Variants in MTHFD1L observed in about 807,000 individuals in gnomAD.
MTHFD1L encodes the protein monofunctional C1-tetrahydrofolate synthase, mitochondrial.
A neutral mutation model predicts 119.5 loss-of-function variants in MTHFD1L; 81 were observed. That is an observed-to-expected ratio of 0.68 (90% CI 0.57 to 0.82). The LOEUF is 0.82. Among genes scored for constraint, MTHFD1L ranks in the 40% least tolerant of loss-of-function variants. The pLI, the probability that MTHFD1L is intolerant of heterozygous loss-of-function variation, is 0.00. For missense variants in MTHFD1L, 1,125 were observed against 1,253.4 expected (o/e 0.90, Z 1.55); for synonymous variants, 430 against 475.2 (o/e 0.90, Z 1.24).
At chr6:151,003,534 A>AG (rs1780929956) in intron 20 of MTHFD1L, among the ~76,000 whole-genome samples, 1 of 85,150 alleles carries the variant, frequency 1.2e-5, no homozygotes, top group African/African-American at 5.6e-5. Context: ...CTCCATATCC[A>AG]AAAAAAAAGG....
intron 17 of MTHFD1L, 32 bp downstream of exon 17, chr6:150,956,103 T>A: frequency 1.3e-6 from 2 of 1,587,716 alleles, no homozygotes; most frequent in South Asian, 1.1e-5. Context: ...GGTGTGGCTC[T>A]GTTCTTACGT....
Position 150,886,880 on chromosome 6 carries a change from C to T in MTHFD1L, c.644-965C>T, listed in dbSNP as rs112030895. The stretch of plus-strand genomic sequence containing the variant: ...GTGTGGTGACTTGTGCCTGTAGTCC[C>T]GGCTACTTGGGAGGCTGAGGTAGGA... On this transcript the variant is annotated intron_variant, in intron 6 of 27. Coordinates refer to ENST00000367321, the MANE Select transcript of MTHFD1L (RefSeq NM_015440.5). Among the ~76,000 whole-genome samples the T allele has an allele frequency of 4.5e-3, 679 of 151,102 alleles. 2 individuals are homozygous for T. The highest frequency in any genetic ancestry group is 7.9e-3 in the Non-Finnish European group (537 of 67,814).
At chr6:150,987,143 T>C (rs375805614) in intron 20 of MTHFD1L, among the ~76,000 whole-genome samples, 13 of 152,246 alleles carry the variant, frequency 8.5e-5, no homozygotes, top group African/African-American at 3.1e-4. Flanking sequence ...TATAGTATTG[T>C]GTATAGGATC....
intron 26 of MTHFD1L, chr6:151,057,213 A>C: frequency 3.0e-6 from 3 of 985,110 alleles, no homozygotes; most frequent in Non-Finnish European, 3.6e-6. Context: ...ATTTCTGTCA[A>C]TCTAATTTTT....
chr6:151,049,871 G>A (rs1241055331), intron 26 of MTHFD1L, among the ~76,000 whole-genome samples: 6 of 152,110 alleles, frequency 3.9e-5, no homozygotes, highest in Non-Finnish European at 1.5e-5. Flanking sequence ...TCAGGGGCAG[G>A]CCTCTGACCT....
In MTHFD1L at chr6:151,101,232, A is replaced by G. The variant is rs190419197; in HGVS notation, c.*32-294A>G. Among the ~76,000 whole-genome samples the G allele has an allele frequency of 2.7e-3, 411 of 152,278 alleles. 1 individual carries two copies. The highest frequency in any genetic ancestry group is 3.0e-3 in the Non-Finnish European group (205 of 68,018). ...AGGATCCTGCAAACTGTAGATCCCAAACTTGGAAGTTCTGGGAATTCTGCC... is the reference window on the plus strand; with the variant it reads ...AGGATCCTGCAAACTGTAGATCCCAGACTTGGAAGTTCTGGGAATTCTGCC... On this transcript the variant is annotated intron_variant, in intron 27 of 27. Transcript: ENST00000367321.
intron 7 of MTHFD1L, among the ~76,000 whole-genome samples, chr6:150,892,968 A>G (rs1783576791): frequency 6.6e-6 from 1 of 152,166 alleles, no homozygotes; most frequent in Non-Finnish European, 1.5e-5. Flanking sequence ...GGCATGGGTT[A>G]GTGTCCTGGG....
At chr6:150,916,749 T>TA (rs1273531443) in intron 8 of MTHFD1L, among the ~76,000 whole-genome samples, 18 of 25,664 alleles carry the variant, frequency 7.0e-4, no homozygotes, top group African/African-American at 4.1e-3. Context: ...TTTTTTTTTT[T>TA]TTTTTTTTTT....
chr6:150,982,859 G>A (rs900121102), intron 20 of MTHFD1L, among the ~76,000 whole-genome samples: 3 of 151,930 alleles, frequency 2.0e-5, no homozygotes, highest in Non-Finnish European at 4.4e-5. Context: ...ACCATCACAC[G>A]TGGCTAAGTT....
chr6:150,897,700 C>T (rs1245474919), intron 7 of MTHFD1L, among the ~76,000 whole-genome samples: 1 of 152,206 alleles, frequency 6.6e-6, no homozygotes, highest in Non-Finnish European at 1.5e-5. Flanking sequence ...CTGTGTCCCA[C>T]AAAGAACAGG....
intron 1 of MTHFD1L, chr6:150,866,583 T>A: frequency 8.2e-7 from 1 of 1,225,934 alleles, no homozygotes; most frequent in Non-Finnish European, 1.0e-6. Flanking sequence ...GCGCGGCCCC[T>A]CCTGCTGGGC....
At chr6:150,881,003 G>A (rs1042576123) in intron 4 of MTHFD1L, among the ~76,000 whole-genome samples, 34 of 152,012 alleles carry the variant, frequency 2.2e-4, no homozygotes, top group Non-Finnish European at 7.4e-5. Context: ...CTTGTCGGAC[G>A]CATACTTTGC....
At chr6:150,968,846 CT>C (rs145806257) in intron 19 of MTHFD1L, among the ~76,000 whole-genome samples, 3,935 of 108,514 alleles carry the variant, frequency 0.036, 67 homozygotes, top group African/African-American at 0.086. Context: ...TTAAATAATT[CT>C]TTTTTTTTTT....
chr6:151,045,174 G>A (rs1261742536), intron 26 of MTHFD1L, among the ~76,000 whole-genome samples: 1 of 152,118 alleles, frequency 6.6e-6, no homozygotes, highest in Non-Finnish European at 1.5e-5. Flanking sequence ...GCCCTCATAG[G>A]TTTAAATCAA....
chr6:150,932,816 G>GGAAGGAAAGAAGGAAGGAAGGAAGGA (rs1791325108), intron 11 of MTHFD1L, among the ~76,000 whole-genome samples: 7 of 119,482 alleles, frequency 5.9e-5, no homozygotes, highest in African/African-American at 9.9e-5. Flanking sequence ...GAGAGGGAGG[G>GGAAGGAAAGAAGGAAGGAAGGAAGGA]AGGAAGGAAG....
chr6:150,993,149 G>A (rs1779277919), intron 20 of MTHFD1L, among the ~76,000 whole-genome samples: 1 of 152,118 alleles, frequency 6.6e-6, no homozygotes, highest in Non-Finnish European at 1.5e-5. Flanking sequence ...TTTTGGTTGA[G>A]AGTAGATTGT....
chr6:150,971,456 C>T (rs509290), intron 19 of MTHFD1L, among the ~76,000 whole-genome samples: 75,969 of 151,710 alleles, frequency 0.5, 20,145 homozygotes, highest in African/African-American at 0.65. Flanking sequence ...ATCTTGGCCT[C>T]CCAAAGTACG....
chr6:151,100,085 G>A (rs891368025), intron 27 of MTHFD1L, among the ~76,000 whole-genome samples: 1 of 146,140 alleles, frequency 6.8e-6, no homozygotes, highest in African/African-American at 2.6e-5. Context: ...CCAGGCTGAA[G>A]TGCAGTGGCA....
At chr6:150,939,210 A>G (rs12202291) in intron 13 of MTHFD1L, 50,971 of 166,048 alleles carry the variant, frequency 0.31, 8,374 homozygotes, top group African/African-American at 0.4. Context: ...CCCTCTGTCA[A>G]TTCAGGCTCT....
Sources: gnomAD v4.1 joint callset for allele counts (sites outside exome capture counted in the v4.1 genomes callset) on GRCh38, gnomAD v4.1.1 for gene constraint, MANE v1.5 for transcripts, NCBI Gene and HGNC (gene_info 2026-07-23, HGNC 2026-07-21) for gene names.